The following PHIP variants were observed in gnomAD, a reference collection of about 807,000 sequenced individuals.
PHIP encodes the protein PHIP subunit of CUL4-Ring ligase complex.
In PHIP, 54 loss-of-function variants were observed where a neutral mutation model predicts 236.8. That is an observed-to-expected ratio of 0.23 (90% CI 0.18 to 0.29). The LOEUF (loss-of-function observed/expected upper bound fraction) is 0.29, where lower values mean the gene tolerates loss of function less well. PHIP is among the 10% of genes least tolerant of loss of function. PHIP has a pLI of 1.00. For missense variants in PHIP, 1,370 were observed against 2,190.8 expected (o/e 0.63, Z 7.48); for synonymous variants, 756 against 718.9 (o/e 1.05, Z -0.83).
chr6:78,948,390 A>C (rs1446005569), intron 35 of PHIP, among the ~76,000 whole-genome samples: 2 of 152,208 alleles, frequency 1.3e-5, no homozygotes, highest in Non-Finnish European at 2.9e-5. Context: ...AACCAATAAA[A>C]ACACACACGT....
intron 7 of PHIP, among the ~76,000 whole-genome samples, chr6:79,028,071 T>C (rs1262941509): frequency 6.6e-6 from 1 of 152,152 alleles, no homozygotes; most frequent in Non-Finnish European, 1.5e-5. Context: ...TTCCATAATG[T>C]GACTATAAAG....
At position 78,964,013 on chromosome 6, in the gene PHIP, T is replaced by A. The variant is rs567756768; in HGVS notation, c.3380-761A>T. ...GGTAGGAAACAAAACAGTGAATCAG[T>A]ATCACTTATTCATTTAAAAAATATC... is the stretch of plus-strand genomic sequence containing the variant. On this transcript the variant is annotated intron_variant, in intron 29 of 39. Transcript: ENST00000275034. Among the ~76,000 whole-genome samples the A allele has an allele frequency of 2.6e-5, 4 of 152,278 alleles. No homozygotes were observed. In the East Asian group the frequency reaches 7.7e-4, roughly 29 times the overall value.
intron 7 of PHIP, among the ~76,000 whole-genome samples, chr6:79,040,454 T>C (rs1224751885): frequency 6.6e-6 from 1 of 152,098 alleles, no homozygotes; most frequent in Non-Finnish European, 1.5e-5. Context: ...ATACCAATTA[T>C]ATAAAAAGGA....
At chr6:79,069,089 A>T (rs1773763644) in intron 4 of PHIP, among the ~76,000 whole-genome samples, 1 of 151,438 alleles carries the variant, frequency 6.6e-6, no homozygotes, top group Non-Finnish European at 1.5e-5. Flanking sequence ...AGGCCAGTTT[A>T]TTGGAATATA....
In PHIP at chr6:78,982,905, G is replaced by A; in HGVS notation, c.2750C>T (p.Pro917Leu). The change falls in exon 23 of 40, where the codon CCC becomes CTC. Residue 917 changes from proline (P) to leucine (L), a missense_variant. Physicochemically the swap from Pro to Leu is moderately conservative, Grantham distance 98. Transcript: ENST00000275034. ...DGPISPKKKK[P>L]KERKQKRLAV... ...CCAAACCTTTTGTTTTCTTTCTTTG[G>A]GCTTCTTTTTCTTTGGTGATATTGG... 1 of 1,560,284 alleles carries A rather than the reference G, an allele frequency of 6.4e-7. No individual in the cohort carries two copies. Among genetic ancestry groups the A allele is most frequent in the South Asian group, 1.2e-5 (1 of 82,152 alleles).
chr6:78,956,581 C>T lies in PHIP; in HGVS notation c.3783-899G>A, dbSNP rs191476322. ...TTAGATTCATATTCAAAGCCACCCA[C>T]GATGTGGCCCCAACTCAGATTTATA... On this transcript the variant is annotated intron_variant, in intron 32 of 39. Coordinates refer to ENST00000275034, the MANE Select transcript of PHIP (RefSeq NM_017934.7). 16 of 152,236 alleles carry T rather than the reference C, an allele frequency of 1.1e-4. No individual in the cohort carries two copies. The East Asian group carries it at 2.7e-3, about 26-fold the overall frequency. 9.4% of individuals were successfully genotyped at this position (152,236 alleles called of 1,614,324 possible).
At chr6:79,050,218 A>G (rs879662105) in intron 6 of PHIP, among the ~76,000 whole-genome samples, 14 of 152,106 alleles carry the variant, frequency 9.2e-5, no homozygotes, top group Non-Finnish European at 1.8e-4. Context: ...GCTACAGAAC[A>G]CTCTTACGAC....
chr6:78,962,630 G>T lies in PHIP; in HGVS notation c.3535+467C>A, dbSNP rs184787863. ...CCCAGAATTTAGATAATCAAGTTTT[G>T]TGGTCACTGTTTTCTTTTAACAAGG... On this transcript the variant is annotated intron_variant, in intron 30 of 39. Coordinates refer to ENST00000275034, the MANE Select transcript of PHIP (RefSeq NM_017934.7). Among the ~76,000 whole-genome samples the T allele has an allele frequency of 5.6e-3, 849 of 152,146 alleles. 6 individuals are homozygous for T. Among genetic ancestry groups the T allele is most frequent in the African/African-American group, 0.02 (823 of 41,534 alleles).
chr6:78,979,215 G>A (rs1265290712), intron 23 of PHIP, among the ~76,000 whole-genome samples: 1 of 152,022 alleles, frequency 6.6e-6, no homozygotes, highest in Non-Finnish European at 1.5e-5. Flanking sequence ...AAAAATGGCA[G>A]CAGTGGCAAC....
At chr6:79,061,744 T>C (rs1773390362) in intron 4 of PHIP, among the ~76,000 whole-genome samples, 1 of 151,666 alleles carries the variant, frequency 6.6e-6, no homozygotes, top group African/African-American at 2.4e-5. Context: ...TTTTAGTAAG[T>C]GTAAAGGGGT....
At chr6:78,992,052 C>G (rs1046928165) in intron 19 of PHIP, among the ~76,000 whole-genome samples, 4 of 151,040 alleles carry the variant, frequency 2.6e-5, no homozygotes, top group South Asian at 4.2e-4. Context: ...GGCTCTGCCC[C>G]CCGGGGTTCA....
chr6:78,992,824 G>A lies in PHIP; in HGVS notation c.2202-1839C>T, dbSNP rs547308061. 6.6e-4 allele frequency among the ~76,000 whole-genome samples: 101 copies of A among 152,208 alleles called. 2 individuals carry two copies. The highest frequency in any genetic ancestry group is 1.1e-3 in the Non-Finnish European group (75 of 67,998). ...TTCCCTGAGACAGAACAATATTAAA[G>A]TTAGGCCAATTAAAAACCCTAACTG... On this transcript the variant is annotated intron_variant, in intron 19 of 39. Transcript: ENST00000275034.
At chr6:79,004,607 G>A (rs987608670) in intron 15 of PHIP, among the ~76,000 whole-genome samples, 17 of 152,044 alleles carry the variant, frequency 1.1e-4, no homozygotes, top group Admixed American at 6.6e-4. Context: ...CTAAAATAGG[G>A]AGTTGACTCC....
At chr6:79,050,626 A>C (rs531158169) in intron 6 of PHIP, among the ~76,000 whole-genome samples, 1 of 152,212 alleles carries the variant, frequency 6.6e-6, no homozygotes, top group Non-Finnish European at 1.5e-5. Flanking sequence ...CGTTCATTCT[A>C]ATTTTTTATA....
chr6:79,042,797 C>G, intron 7 of PHIP, 46 bp downstream of exon 7: 2 of 1,357,794 alleles, frequency 1.5e-6, no homozygotes, highest in Non-Finnish European at 2.0e-6. Context: ...GCAATATTTC[C>G]TCAATTACAT....
chr6:78,967,966 C>T (rs1449807686), intron 27 of PHIP, among the ~76,000 whole-genome samples: 1 of 151,654 alleles, frequency 6.6e-6, no homozygotes, highest in Non-Finnish European at 1.5e-5. Context: ...AACCCTGTCT[C>T]TACTAAAAAT....
At chr6:79,066,491 T>A (rs530884386) in intron 4 of PHIP, among the ~76,000 whole-genome samples, 23 of 152,312 alleles carry the variant, frequency 1.5e-4, no homozygotes, top group African/African-American at 5.3e-4. Context: ...ATTCATACTA[T>A]CACACAAATG....
At chr6:79,004,408 C>T in intron 15 of PHIP, 1 of 984,982 alleles carries the variant, frequency 1.0e-6, no homozygotes, top group Non-Finnish European at 1.2e-6. Flanking sequence ...TTCCATTAAT[C>T]CAGAACGAAT....
intron 9 of PHIP, among the ~76,000 whole-genome samples, chr6:79,023,733 T>C (rs781773556): frequency 6.6e-6 from 1 of 152,110 alleles, no homozygotes; most frequent in Admixed American, 6.6e-5. Context: ...GAAAAAATCA[T>C]TTATATGGAC....
Sources: gnomAD v4.1 joint callset for allele counts (sites outside exome capture counted in the v4.1 genomes callset) on GRCh38, gnomAD v4.1.1 for gene constraint, MANE v1.5 for transcripts, NCBI Gene and HGNC (gene_info 2026-07-23, HGNC 2026-07-21) for gene names.